ROBO1: variants seen among roughly 807,000 people sequenced by gnomAD.
ROBO1 encodes roundabout guidance receptor 1.
Under a neutral mutation model 195.9 loss-of-function variants are expected in ROBO1, and 149 were observed. The ratio of observed to expected loss-of-function variants is 0.76; its 90% CI spans 0.67 to 0.87. The LOEUF (loss-of-function observed/expected upper bound fraction) is 0.87, where lower values mean the gene tolerates loss of function less well. Among genes scored for constraint, ROBO1 ranks in the 40% least tolerant of loss-of-function variants. ROBO1 has a pLI of 0.00. For missense variants in ROBO1, 1,933 were observed against 2,068.3 expected (o/e 0.93, Z 1.27); for synonymous variants, 816 against 733.2 (o/e 1.11, Z -1.82).
At chr3:79,295,911 G>A (rs1449201094) in intron 2 of ROBO1, among the ~76,000 whole-genome samples, 1 of 152,142 alleles carries the variant, frequency 6.6e-6, no homozygotes, top group Non-Finnish European at 1.5e-5. Context: ...TATGGATTTG[G>A]TGGATTTAGA....
At chr3:78,933,314 A>G (rs2107657382) in intron 4 of ROBO1, among the ~76,000 whole-genome samples, 1 of 152,244 alleles carries the variant, frequency 6.6e-6, no homozygotes, top group East Asian at 1.9e-4. Flanking sequence ...TTGATATTTC[A>G]TATTAACTAC....
At chr3:79,476,846 C>T (rs954901869) in intron 2 of ROBO1, among the ~76,000 whole-genome samples, 11 of 151,930 alleles carry the variant, frequency 7.2e-5, no homozygotes, top group Non-Finnish European at 1.5e-4. Flanking sequence ...ACCAAAATCT[C>T]GGAAATCACC....
intron 2 of ROBO1, among the ~76,000 whole-genome samples, chr3:79,322,199 T>C (rs922782960): frequency 2.0e-5 from 3 of 152,172 alleles, no homozygotes; most frequent in Non-Finnish European, 4.4e-5. Context: ...ACAAACCCCT[T>C]GGTATCAGGT....
intron 16 of ROBO1, chr3:78,660,649 G>A (rs1268859647): frequency 1.8e-5 from 3 of 168,270 alleles, no homozygotes; most frequent in Admixed American, 5.9e-5. Flanking sequence ...CGAAGTCCTG[G>A]GCAAATCAAC....
intron 1 of ROBO1, among the ~76,000 whole-genome samples, chr3:79,738,175 T>C (rs1703468360): frequency 6.6e-6 from 1 of 152,174 alleles, no homozygotes; most frequent in South Asian, 2.1e-4. Flanking sequence ...TTCTTTCAAT[T>C]CAGCAGTGTA....
At chr3:78,607,108 T>A (rs1283941217) in intron 28 of ROBO1, 67 bp from the exon 29 acceptor site, 7 of 1,432,200 alleles carry the variant, frequency 4.9e-6, no homozygotes, top group Non-Finnish European at 5.7e-6. Context: ...AACATTTGGA[T>A]TATCATTGGA....
chr3:78,887,088 C>T (rs1559965024), intron 4 of ROBO1, among the ~76,000 whole-genome samples: 1 of 152,016 alleles, frequency 6.6e-6, no homozygotes, highest in Non-Finnish European at 1.5e-5. Context: ...CTTATTATGT[C>T]AATAATACTG....
intron 2 of ROBO1, among the ~76,000 whole-genome samples, chr3:79,455,162 T>G (rs1287789670): frequency 1.3e-5 from 2 of 151,516 alleles, no homozygotes; most frequent in African/African-American, 4.8e-5. Context: ...CACAGAAGAC[T>G]CTTGTAACAG....
intron 2 of ROBO1, among the ~76,000 whole-genome samples, chr3:79,234,883 C>A (rs2082381278): frequency 6.6e-6 from 1 of 152,022 alleles, no homozygotes; most frequent in Non-Finnish European, 1.5e-5. Flanking sequence ...ATGCTCATTA[C>A]CTGAGTGACA....
intron 28 of ROBO1, among the ~76,000 whole-genome samples, chr3:78,614,421 C>T (rs933097454): frequency 6.6e-6 from 1 of 152,104 alleles, no homozygotes; most frequent in African/African-American, 2.4e-5. Flanking sequence ...TATTAAGGAT[C>T]TACAAATGGT....
intron 4 of ROBO1, among the ~76,000 whole-genome samples, chr3:78,847,424 C>T (rs998577854): frequency 2.6e-5 from 4 of 152,008 alleles, no homozygotes; most frequent in Admixed American, 6.6e-5. Context: ...AGATTAGTTC[C>T]GCCAGAATGT....
intron 2 of ROBO1, among the ~76,000 whole-genome samples, chr3:79,258,782 G>A (rs759274503): frequency 3.6e-4 from 54 of 152,106 alleles, no homozygotes; most frequent in Non-Finnish European, 6.9e-4. Context: ...TTGTCAGACT[G>A]ATCCCAAAAT....
intron 2 of ROBO1, among the ~76,000 whole-genome samples, chr3:79,462,437 A>G (rs1937695777): frequency 1.3e-5 from 2 of 152,238 alleles, no homozygotes; most frequent in African/African-American, 4.8e-5. Flanking sequence ...GTAGATTTTA[A>G]GAAATCATTG....
At chr3:79,018,963 T>A in intron 3 of ROBO1, 1 of 989,156 alleles carries the variant, frequency 1.0e-6, no homozygotes, top group South Asian at 4.6e-5. Context: ...GCGGCGGCGA[T>A]AGCAGCCAAA....
intron 2 of ROBO1, among the ~76,000 whole-genome samples, chr3:79,344,122 T>C (rs1328418404): frequency 6.6e-6 from 1 of 152,168 alleles, no homozygotes; most frequent in East Asian, 1.9e-4. Context: ...GATGGTTGTG[T>C]ATGTTGATAT....
chr3:78,648,243 A>T (rs1412741166), intron 19 of ROBO1, among the ~76,000 whole-genome samples: 1 of 152,090 alleles, frequency 6.6e-6, no homozygotes, highest in Non-Finnish European at 1.5e-5. Context: ...AGAACCATAA[A>T]ATTTAACTAT....
At chr3:79,530,447 T>A (rs1252049660) in intron 2 of ROBO1, among the ~76,000 whole-genome samples, 1 of 152,186 alleles carries the variant, frequency 6.6e-6, no homozygotes, top group South Asian at 2.1e-4. Context: ...AAACTCAAGA[T>A]CTGTCAAAAT....
intron 2 of ROBO1, among the ~76,000 whole-genome samples, chr3:79,274,539 T>C (rs907219588): frequency 6.6e-6 from 1 of 151,446 alleles, no homozygotes; most frequent in Non-Finnish European, 1.5e-5. Context: ...GGTGCCTACA[T>C]CAAAAAAGAG....
chr3:79,397,079 T>C (rs2037182557), intron 2 of ROBO1, among the ~76,000 whole-genome samples: 1 of 152,062 alleles, frequency 6.6e-6, no homozygotes, highest in South Asian at 2.1e-4. Flanking sequence ...AAAAATATAC[T>C]CTTTGAATAA....
Sources: allele counts gnomAD v4.1 joint callset (sites outside exome capture counted in the v4.1 genomes callset), GRCh38; gene constraint gnomAD v4.1.1; transcripts MANE v1.5; gene names NCBI Gene and HGNC (gene_info 2026-07-23, HGNC 2026-07-21).